Variants in GRM8 observed in about 807,000 individuals in gnomAD.
GRM8 encodes glutamate metabotropic receptor 8.
GRM8 carries 47 observed loss-of-function variants against 87.2 expected under a neutral mutation model. That is an observed-to-expected ratio of 0.54 (90% CI 0.43 to 0.69). GRM8 has a LOEUF of 0.69. Ranked by LOEUF, GRM8 falls within the 30% of genes least tolerant of loss-of-function variation. GRM8 has a pLI of 0.00. For synonymous variants in GRM8, 396 were observed against 404.5 expected (o/e 0.98, Z 0.25); for missense variants, 1,019 against 1,139.2 (o/e 0.89, Z 1.52).
At chr7:126,591,546 A>G (rs1796667465) in intron 8 of GRM8, among the ~76,000 whole-genome samples, 1 of 152,068 alleles carries the variant, frequency 6.6e-6, no homozygotes, top group South Asian at 2.1e-4. Flanking sequence ...ATATTTACAG[A>G]ACATTCAAAG....
intron 2 of GRM8, among the ~76,000 whole-genome samples, chr7:127,171,535 C>T (rs937984633): frequency 2.6e-5 from 4 of 152,158 alleles, no homozygotes; most frequent in East Asian, 1.9e-4. Flanking sequence ...TAAGCAACCA[C>T]GACCCTGATT....
At chr7:126,501,834 T>A (rs890630547) in intron 9 of GRM8, among the ~76,000 whole-genome samples, 1 of 151,810 alleles carries the variant, frequency 6.6e-6, no homozygotes, top group African/African-American at 2.4e-5. Context: ...TCGGGGCAGG[T>A]CTGGGCAGGC....
chr7:126,878,324 A>G (rs891232025), intron 6 of GRM8, among the ~76,000 whole-genome samples: 1 of 152,188 alleles, frequency 6.6e-6, no homozygotes, highest in Non-Finnish European at 1.5e-5. Flanking sequence ...TCCATTTCAC[A>G]GAGGCTGAGA....
At chr7:127,233,219 T>A (rs570033278) in intron 2 of GRM8, among the ~76,000 whole-genome samples, 1 of 152,270 alleles carries the variant, frequency 6.6e-6, no homozygotes, top group South Asian at 2.1e-4. Flanking sequence ...TAGGTCAAAG[T>A]TTGAACTCGG....
At chr7:127,240,976 T>C (rs554673230) in intron 2 of GRM8, among the ~76,000 whole-genome samples, 4 of 152,202 alleles carry the variant, frequency 2.6e-5, no homozygotes, top group Admixed American at 2.0e-4. Flanking sequence ...TCTGGCTACA[T>C]GTTTTAATTG....
At chr7:126,774,201 A>G (rs914145634) in intron 6 of GRM8, among the ~76,000 whole-genome samples, 4 of 152,110 alleles carry the variant, frequency 2.6e-5, no homozygotes, top group Non-Finnish European at 4.4e-5. Context: ...TAGACAATGT[A>G]TTTTTCTGTT....
At chr7:126,882,478 A>G (rs1048066506) in intron 6 of GRM8, among the ~76,000 whole-genome samples, 5 of 152,186 alleles carry the variant, frequency 3.3e-5, no homozygotes, top group Non-Finnish European at 5.9e-5. Flanking sequence ...AATATCTTCA[A>G]TAACAAGAAA....
intron 2 of GRM8, among the ~76,000 whole-genome samples, chr7:127,166,237 C>T (rs1013833211): frequency 6.6e-6 from 1 of 152,138 alleles, no homozygotes; most frequent in Non-Finnish European, 1.5e-5. Context: ...AATATCTTGG[C>T]TTAACATTCC....
At chr7:127,203,997 T>C (rs1203380897) in intron 2 of GRM8, among the ~76,000 whole-genome samples, 1 of 152,208 alleles carries the variant, frequency 6.6e-6, no homozygotes, top group East Asian at 1.9e-4. Flanking sequence ...GAAATGTTTA[T>C]AAAATATGCT....
intron 6 of GRM8, among the ~76,000 whole-genome samples, chr7:126,899,141 C>G (rs370405470): frequency 4.1e-5 from 2 of 48,424 alleles, no homozygotes; most frequent in Admixed American, 1.9e-4. Flanking sequence ...GTGTATGAGT[C>G]CATCCATTTC....
chr7:127,200,695 C>T (rs554804306), intron 2 of GRM8, among the ~76,000 whole-genome samples: 4 of 152,230 alleles, frequency 2.6e-5, no homozygotes, highest in Non-Finnish European at 4.4e-5. Context: ...CCAATCTCTG[C>T]TTCCATCTTC....
chr7:126,709,436 G>A (rs1810874861), intron 7 of GRM8, among the ~76,000 whole-genome samples: 1 of 151,852 alleles, frequency 6.6e-6, no homozygotes, highest in Admixed American at 6.6e-5. Context: ...GGAGGAGGAG[G>A]AGGAGGAAGA....
At chr7:127,150,983 C>T (rs1191049060) in intron 2 of GRM8, among the ~76,000 whole-genome samples, 2 of 151,966 alleles carry the variant, frequency 1.3e-5, no homozygotes, top group Non-Finnish European at 2.9e-5. Context: ...GCAGTTTGTA[C>T]CCATCAGGTT....
intron 3 of GRM8, among the ~76,000 whole-genome samples, chr7:126,953,852 T>C (rs1207899311): frequency 2.6e-5 from 4 of 152,192 alleles, no homozygotes; most frequent in Non-Finnish European, 4.4e-5. Flanking sequence ...ATCTGCTAAA[T>C]GGATGACTAC....
At chr7:126,658,180 T>C (rs148467366) in intron 7 of GRM8, among the ~76,000 whole-genome samples, 2 of 152,294 alleles carry the variant, frequency 1.3e-5, no homozygotes, top group Non-Finnish European at 2.9e-5. Flanking sequence ...TGGCATAACA[T>C]ATGCTGAGGC....
chr7:127,015,072 A>AAGAAGAAAGAAGGAG (rs757484218), intron 3 of GRM8, among the ~76,000 whole-genome samples: 2 of 103,796 alleles, frequency 1.9e-5, no homozygotes. Flanking sequence ...AAGAAGAAAG[A>AAGAAGAAAGAAGGAG]AAGAAGGAGA....
At chr7:126,483,086 CTA>C (rs1483623569) in intron 9 of GRM8, among the ~76,000 whole-genome samples, 1 of 147,598 alleles carries the variant, frequency 6.8e-6, no homozygotes, top group African/African-American at 2.5e-5. Flanking sequence ...ACATATATAA[CTA>C]TATTTATTTG....
rs1042672914 is a variant in GRM8, at chr7:127,109,518, T to A, written c.511-2806A>T. ...TCCATACCAGGGAGATTTAATGCTC[T>A]CCTCTATCTAATGATCCTCTATACA... On this transcript the variant is annotated intron_variant, in intron 2 of 10. Transcript: ENST00000339582. Among the ~76,000 whole-genome samples, 7 of 152,280 alleles carry A rather than the reference T, an allele frequency of 4.6e-5. No homozygotes were observed. The East Asian group carries it at 1.2e-3, about 25-fold the overall frequency.
chr7:126,848,998 G>A (rs1796960278), intron 6 of GRM8, among the ~76,000 whole-genome samples: 2 of 152,082 alleles, frequency 1.3e-5, no homozygotes, highest in African/African-American at 4.8e-5. Context: ...GAGAGAACTT[G>A]TGCAGGGAAA....
Sources: allele counts gnomAD v4.1 joint callset (sites outside exome capture counted in the v4.1 genomes callset), GRCh38; gene constraint gnomAD v4.1.1; transcripts MANE v1.5; gene names NCBI Gene and HGNC (gene_info 2026-07-23, HGNC 2026-07-21).